F13A1: variants seen among roughly 807,000 people sequenced by gnomAD.
F13A1 encodes the protein coagulation factor XIII A chain, also known as FSF, A subunit.
F13A1 carries 47 observed loss-of-function variants against 80.1 expected under a neutral mutation model. The observed-to-expected ratio is 0.59, with a 90% CI of 0.46 to 0.75. F13A1 has a LOEUF of 0.75. F13A1 is among the 30% of genes least tolerant of loss of function. The probability of loss-of-function intolerance (pLI) is 0.00; values close to 1 mark genes in which losing one functional copy is unlikely to be tolerated. For missense variants in F13A1, 817 were observed against 930.4 expected, an observed-to-expected ratio of 0.88 and a Z score of 1.59; for synonymous variants, 349 against 344.9, an observed-to-expected ratio of 1.01 and a Z score of -0.13.
chr6:6,147,283 T>TC (rs566912360), intron 14 of F13A1, among the ~76,000 whole-genome samples: 149 of 152,128 alleles, frequency 9.8e-4, no homozygotes, highest in African/African-American at 3.5e-3. Context: ...CACCAACTGT[T>TC]CCCCAAAAAC....
chr6:6,255,562 A>G (rs201446602), intron 4 of F13A1, among the ~76,000 whole-genome samples: 92 of 151,626 alleles, frequency 6.1e-4, no homozygotes, highest in Non-Finnish European at 9.6e-4. Flanking sequence ...TGAAAGAATG[A>G]GAGATGGGGA....
At position 6,220,657 on chromosome 6, in the gene F13A1, A is replaced by G. The variant is rs147992165; in HGVS notation, c.1112+1376T>C. ...CTTTTTGTCATTTTTAACAATTGCA[A>G]TGAGTTTTTGGGGTGACTATTTTGG... On this transcript the variant is annotated intron_variant, in intron 8 of 14. Coordinates refer to ENST00000264870, the MANE Select transcript of F13A1 (RefSeq NM_000129.4). 9.9e-3 allele frequency among the ~76,000 whole-genome samples: 1,506 copies of G among 152,240 alleles called. 15 individuals are homozygous for G. The highest frequency in any genetic ancestry group is 0.015 in the Non-Finnish European group (1,041 of 68,006).
At chr6:6,156,012 C>G (rs574901620) in intron 13 of F13A1, among the ~76,000 whole-genome samples, 3 of 152,250 alleles carry the variant, frequency 2.0e-5, no homozygotes, top group Non-Finnish European at 2.9e-5. Flanking sequence ...CAAGAAGAAA[C>G]TTTTATGTGT....
intron 8 of F13A1, among the ~76,000 whole-genome samples, chr6:6,213,316 C>T (rs1262870770): frequency 6.6e-6 from 1 of 152,054 alleles, no homozygotes; most frequent in Non-Finnish European, 1.5e-5. Flanking sequence ...GCCCATCAGA[C>T]TAACAGCGGA....
At chr6:6,306,994 C>G (rs1194528761) in intron 2 of F13A1, among the ~76,000 whole-genome samples, 1 of 152,228 alleles carries the variant, frequency 6.6e-6, no homozygotes, top group Non-Finnish European at 1.5e-5. Context: ...AAAGTTCAGG[C>G]AATCCTGAGT....
At chr6:6,229,068 T>C (rs1455408620) in intron 6 of F13A1, among the ~76,000 whole-genome samples, 2 of 152,208 alleles carry the variant, frequency 1.3e-5, no homozygotes, top group African/African-American at 4.8e-5. Context: ...ATGTGGTACA[T>C]TGGCCTCAAA....
intron 3 of F13A1, among the ~76,000 whole-genome samples, chr6:6,271,826 T>C (rs1321973931): frequency 6.6e-6 from 1 of 152,252 alleles, no homozygotes; most frequent in Non-Finnish European, 1.5e-5. Flanking sequence ...GCTTGGACCA[T>C]ATGCCTATAT....
intron 4 of F13A1, among the ~76,000 whole-genome samples, chr6:6,253,672 T>C (rs1312054468): frequency 2.0e-5 from 3 of 152,246 alleles, no homozygotes; most frequent in Non-Finnish European, 4.4e-5. Context: ...TAAGATTTTC[T>C]GGTTCTTTTT....
intron 2 of F13A1, among the ~76,000 whole-genome samples, chr6:6,315,933 C>T (rs1452775177): frequency 2.0e-5 from 3 of 150,798 alleles, no homozygotes; most frequent in East Asian, 3.9e-4. Flanking sequence ...TAGCAAATTT[C>T]GTCCCTTAGT....
intron 2 of F13A1, among the ~76,000 whole-genome samples, chr6:6,309,816 C>T (rs1005477830): frequency 6.6e-6 from 1 of 152,102 alleles, no homozygotes; most frequent in African/African-American, 2.4e-5. Context: ...GTTTAGCCTG[C>T]ATGTAGGGGT....
At chr6:6,278,473 G>T (rs1331342348) in intron 3 of F13A1, among the ~76,000 whole-genome samples, 1 of 152,200 alleles carries the variant, frequency 6.6e-6, no homozygotes, top group African/African-American at 2.4e-5. Flanking sequence ...TGGCATGCTT[G>T]AGGAGGCCAA....
intron 3 of F13A1, among the ~76,000 whole-genome samples, chr6:6,292,928 C>T (rs1028193478): frequency 6.6e-6 from 1 of 152,196 alleles, no homozygotes; most frequent in African/African-American, 2.4e-5. Flanking sequence ...CACAGCTTGC[C>T]TTACAGCTAA....
intron 8 of F13A1, among the ~76,000 whole-genome samples, chr6:6,212,324 G>A (rs960852817): frequency 2.0e-5 from 3 of 152,112 alleles, no homozygotes; most frequent in Non-Finnish European, 2.9e-5. Context: ...GCACACAGCT[G>A]GAGATCTGAG....
intron 2 of F13A1, among the ~76,000 whole-genome samples, chr6:6,317,844 T>C (rs1758706610): frequency 6.6e-6 from 1 of 152,208 alleles, no homozygotes. Flanking sequence ...GTCCCTGCCA[T>C]GGCCCAGGGG....
At chr6:6,208,495 C>T (rs900547291) in intron 8 of F13A1, among the ~76,000 whole-genome samples, 1 of 151,988 alleles carries the variant, frequency 6.6e-6, no homozygotes, top group African/African-American at 2.4e-5. Context: ...TTTGAAGAAA[C>T]GATAGCCAAA....
Position 6,250,991 on chromosome 6 carries a change from G to T in F13A1, c.572-62C>A. 8.4e-7 allele frequency: 1 copy of T among 1,188,792 alleles called. No individual in the cohort carries two copies. Among genetic ancestry groups the T allele is most frequent in the Non-Finnish European group, 1.3e-6 (1 of 798,108 alleles). The allele number at this position is 1,188,792 out of a possible 1,614,324, so 73.6% of individuals were successfully genotyped here. On this transcript the variant is annotated intron_variant, in intron 4 of 14. Transcript: ENST00000264870. This position sits in a 1 kb window ranked among gnomAD's most constrained non-coding sequence, Gnocchi z 4.2. ...CCAGACTGTTTCCAAACACTTGCAAGTTTATGCAAGTTTATTTTGTTTCTA... is the reference window on the plus strand; with the variant it reads ...CCAGACTGTTTCCAAACACTTGCAATTTTATGCAAGTTTATTTTGTTTCTA...
chr6:6,197,420 C>G (rs1466682079), intron 8 of F13A1, 94 bp from the exon 9 acceptor site: 1 of 1,222,020 alleles, frequency 8.2e-7, no homozygotes, highest in East Asian at 2.4e-5. Context: ...TGGCTCATGC[C>G]TGTAATCCCA....
chr6:6,236,260 T>G (rs1757412665), intron 6 of F13A1, among the ~76,000 whole-genome samples: 1 of 152,136 alleles, frequency 6.6e-6, no homozygotes, highest in African/African-American at 2.4e-5. Context: ...CATGTCAACA[T>G]TATCCAATTG....
intron 6 of F13A1, among the ~76,000 whole-genome samples, chr6:6,232,461 A>G (rs2113075792): frequency 6.6e-6 from 1 of 152,270 alleles, no homozygotes; most frequent in Non-Finnish European, 1.5e-5. Context: ...AAACAATAAC[A>G]AATAGACCTA....
Sources: allele counts gnomAD v4.1 joint callset (sites outside exome capture counted in the v4.1 genomes callset), GRCh38; gene constraint gnomAD v4.1.1; non-coding constraint Gnocchi (gnomAD v3.1); transcripts MANE v1.5; gene names NCBI Gene and HGNC (gene_info 2026-07-23, HGNC 2026-07-21).